Variants in SINHCAF observed in about 807,000 individuals in gnomAD.
SINHCAF encodes the protein SIN3-HDAC complex associated factor.
A neutral mutation model predicts 25.8 loss-of-function variants in SINHCAF; 3 were observed. That is an observed-to-expected ratio of 0.12 (90% CI 0.05 to 0.30). SINHCAF has a LOEUF of 0.30. SINHCAF is among the 10% of genes least tolerant of loss of function. SINHCAF has a pLI of 1.00. For synonymous variants in SINHCAF, 70 were observed against 85.5 expected, an observed-to-expected ratio of 0.82 and a Z score of 1.00; for missense variants, 121 against 262.3, an observed-to-expected ratio of 0.46 and a Z score of 3.72.
At position 31,310,400 on chromosome 12, in the gene SINHCAF, T is replaced by C. The variant is rs1939218354; in HGVS notation, c.-20-12176A>G. Among the ~76,000 whole-genome samples the C allele has an allele frequency of 2.0e-5, 3 of 152,314 alleles. No homozygotes were observed. The South Asian group carries it at 6.2e-4, about 32-fold the overall frequency. ...ATTGGGAGAAATGAAAACCCCCTAT[T>C]TCCTCAGAGGAGTCCTAGTTTTCCA... On this transcript the variant is annotated intron_variant, in intron 1 of 5. Transcript: ENST00000337682.
rs1939890562 is a variant in SINHCAF at position 31,324,805 on chromosome 12, G to A, written c.-21+1219C>T. On this transcript the variant is annotated intron_variant, in intron 1 of 5. Coordinates refer to ENST00000337682, the MANE Select transcript of SINHCAF (RefSeq NM_001135812.2). The surrounding 1 kb of genome is among the most constrained non-coding windows in gnomAD (Gnocchi z 5.5). ...GCCTGGCCCCCCGACCCTCCCCTCG[G>A]GAGCAGGCCCATTTAATCAAAGTTT... 2.7e-6 allele frequency: 1 copy of A among 364,770 alleles called. No individual in the cohort carries two copies. Among genetic ancestry groups the A allele is most frequent in the Admixed American group, 3.5e-5 (1 of 28,600 alleles). The allele number at this position is 364,770 out of a possible 1,614,324, so 22.6% of individuals were successfully genotyped here.
At chr12:31,319,934 C>T (rs1308253122) in intron 1 of SINHCAF, among the ~76,000 whole-genome samples, 1 of 152,174 alleles carries the variant, frequency 6.6e-6, no homozygotes, top group Non-Finnish European at 1.5e-5. Flanking sequence ...ACAAAAACAA[C>T]TTGGAAGCCA....
chr12:31,298,812 G>A (rs1475881783), intron 1 of SINHCAF, among the ~76,000 whole-genome samples: 1 of 152,136 alleles, frequency 6.6e-6, no homozygotes, highest in African/African-American at 2.4e-5. Context: ...AACTGCTGAA[G>A]GGAAGATGTA....
intron 4 of SINHCAF, among the ~76,000 whole-genome samples, chr12:31,292,419 T>C (rs1938365076): frequency 6.6e-6 from 1 of 151,512 alleles, no homozygotes; most frequent in Non-Finnish European, 1.5e-5. Flanking sequence ...GAATTGCTTG[T>C]ACCCCAGAGG....
At chr12:31,307,938 CATTT>C (rs1176569971) in intron 1 of SINHCAF, among the ~76,000 whole-genome samples, 4 of 151,884 alleles carry the variant, frequency 2.6e-5, no homozygotes, top group African/African-American at 9.7e-5. Flanking sequence ...ATTGCTGGGG[CATTT>C]ATTAACCTTT....
rs1471747293 is a variant in SINHCAF at position 31,284,599 on chromosome 12, T to A, written c.507-1728A>T. 5.3e-5 allele frequency among the ~76,000 whole-genome samples: 8 copies of A among 152,192 alleles called. No homozygotes were observed. The East Asian group carries it at 1.2e-3, about 22-fold the overall frequency. On this transcript the variant is annotated intron_variant, in intron 5 of 5. Coordinates refer to ENST00000337682, the MANE Select transcript of SINHCAF (RefSeq NM_001135812.2). ...ATAATCTATTTTCTACTTTAATGCA[T>A]CTGTAATTGGTGTTTGTCTATGGTG...
chr12:31,300,921 A>C (rs1030655738), intron 1 of SINHCAF, among the ~76,000 whole-genome samples: 2 of 152,194 alleles, frequency 1.3e-5, no homozygotes, highest in African/African-American at 4.8e-5. Flanking sequence ...GAAGCAGAGC[A>C]AAAAAGGCCA....
intron 1 of SINHCAF, among the ~76,000 whole-genome samples, chr12:31,300,297 A>G (rs1371875539): frequency 6.6e-6 from 1 of 152,230 alleles, no homozygotes; most frequent in Non-Finnish European, 1.5e-5. Context: ...CCTTTCAAAC[A>G]GGCTATTGTT....
chr12:31,309,790 G>A (rs964082758), intron 1 of SINHCAF, among the ~76,000 whole-genome samples: 7 of 151,016 alleles, frequency 4.6e-5, no homozygotes, highest in Non-Finnish European at 1.0e-4. Flanking sequence ...CTAAGCCTCC[G>A]GAGTAGCTGG....
At chr12:31,299,059 A>G (rs919321633) in intron 1 of SINHCAF, among the ~76,000 whole-genome samples, 1 of 151,696 alleles carries the variant, frequency 6.6e-6, no homozygotes, top group Non-Finnish European at 1.5e-5. Flanking sequence ...AAAAATCTCA[A>G]CGTCAAGGAA....
chr12:31,320,643 C>T (rs1188955697), intron 1 of SINHCAF, among the ~76,000 whole-genome samples: 4 of 151,992 alleles, frequency 2.6e-5, no homozygotes, highest in Admixed American at 1.3e-4. Flanking sequence ...ACAATAAAGA[C>T]GTGAATTTTA....
chr12:31,308,405 C>A (rs1257605686), intron 1 of SINHCAF, among the ~76,000 whole-genome samples: 1 of 152,150 alleles, frequency 6.6e-6, no homozygotes, highest in Non-Finnish European at 1.5e-5. Flanking sequence ...ACCCTCTAAG[C>A]TATTTTTTAG....
chr12:31,288,883 T>C (rs1234584959), intron 4 of SINHCAF, among the ~76,000 whole-genome samples: 2 of 152,138 alleles, frequency 1.3e-5, no homozygotes, highest in Non-Finnish European at 2.9e-5. Context: ...ACAAAAATGC[T>C]TCAGTGAGCA....
At chr12:31,299,378 G>A (rs747649338) in intron 1 of SINHCAF, among the ~76,000 whole-genome samples, 18 of 151,686 alleles carry the variant, frequency 1.2e-4, no homozygotes, top group South Asian at 1.0e-3. Context: ...GTGCGGTGGC[G>A]CGATCTAGGC....
rs895732086 is a variant in SINHCAF, at chr12:31,282,565, T to C, written c.*147A>G. On this transcript the variant is annotated 3_prime_UTR_variant, in exon 6 of 6. Coordinates refer to ENST00000337682, the MANE Select transcript of SINHCAF (RefSeq NM_001135812.2). The stretch of plus-strand genomic sequence containing the variant: ...TGAACCCGGGAGACGGAAGTTGCAG[T>C]GAGCCAAGATCACGCCACTGCACTC... 4 of 572,216 alleles carry C rather than the reference T, an allele frequency of 7.0e-6. No individual in the cohort carries two copies. In the African/African-American group the frequency reaches 7.8e-5, roughly 11 times the overall value. The allele number at this position is 572,216 out of a possible 1,614,324, so 35.4% of individuals were successfully genotyped here. A position where few individuals can be genotyped will look rare whatever the true frequency, so the allele number is the denominator to read the frequency against.
At chr12:31,303,200 G>A in intron 1 of SINHCAF, 1 of 985,392 alleles carries the variant, frequency 1.0e-6, no homozygotes, top group East Asian at 1.1e-4. Flanking sequence ...ATTTAGAAGA[G>A]GCTGTGTCAA....
chr12:31,282,960 A>G, intron 5 of SINHCAF, 89 bp from the exon 6 acceptor site: 1 of 959,736 alleles, frequency 1.0e-6, no homozygotes, highest in Non-Finnish European at 1.5e-6. Context: ...AACTAGTCCA[A>G]TATAACCAAA....
At chr12:31,317,843 CG>C (rs879750866) in intron 1 of SINHCAF, among the ~76,000 whole-genome samples, 8 of 151,826 alleles carry the variant, frequency 5.3e-5, no homozygotes, top group Admixed American at 5.2e-4. Flanking sequence ...AGGAGACAAG[CG>C]AAAGATTTGT....
rs923063549 is a variant in SINHCAF at position 31,281,243 on chromosome 12, T to A, written c.*1469A>T. The A allele has an allele frequency of 6.6e-6, 1 of 152,204 alleles. No homozygotes were observed. Among genetic ancestry groups the A allele is most frequent in the Non-Finnish European group, 1.5e-5 (1 of 68,032 alleles). 9.4% of individuals were successfully genotyped at this position (152,204 alleles called of 1,614,324 possible). ...AAGAGTACTCTGGTTTGGGTTCAAG[T>A]GAGAGGCTTTTCATGAAAATCTTAG... On this transcript the variant is annotated 3_prime_UTR_variant, in exon 6 of 6. Transcript: ENST00000337682.
Sources: gnomAD v4.1 joint callset for allele counts (sites outside exome capture counted in the v4.1 genomes callset) on GRCh38, gnomAD v4.1.1 for gene constraint, Gnocchi (gnomAD v3.1) non-coding constraint, MANE v1.5 for transcripts, NCBI Gene and HGNC (gene_info 2026-07-23, HGNC 2026-07-21) for gene names.